Variants in ALDH1A2 observed in about 807,000 individuals in gnomAD.
ALDH1A2 encodes the protein aldehyde dehydrogenase 1 family member A2, also known as retinal dehydrogenase 2.
In ALDH1A2, 27 loss-of-function variants were observed where a neutral mutation model predicts 60.3. The observed-to-expected ratio is 0.45, with a 90% CI of 0.33 to 0.62. The LOEUF (loss-of-function observed/expected upper bound fraction) is 0.62. Among genes scored for constraint, ALDH1A2 ranks in the 20% least tolerant of loss-of-function variants. ALDH1A2 has a pLI of 0.02. For missense variants in ALDH1A2, 581 were observed against 643.8 expected, an observed-to-expected ratio of 0.90 and a Z score of 1.06; for synonymous variants, 289 against 232.4, an observed-to-expected ratio of 1.24 and a Z score of -2.21.
chr15:57,961,083 C>T (rs1457286065), intron 11 of ALDH1A2, 54 bp downstream of exon 11: 12 of 1,604,644 alleles, frequency 7.5e-6, no homozygotes, highest in Non-Finnish European at 1.0e-5. Context: ...GTTTATTTCA[C>T]CCTGGTCCCT....
chr15:57,955,073 G>A lies in ALDH1A2; in HGVS notation c.*124C>T, dbSNP rs1294774103. ...GTGCAGTGACCTGCCTGGCCTACAT[G>A]TTATCTTTTCAATCTTTAAGTAAGG... is the stretch of plus-strand genomic sequence containing the variant. On this transcript the variant is annotated 3_prime_UTR_variant, in exon 13 of 13. Coordinates refer to ENST00000249750, the MANE Select transcript of ALDH1A2 (RefSeq NM_003888.4). 4.5e-6 allele frequency: 5 copies of A among 1,107,444 alleles called. No homozygotes were observed. The highest frequency in any genetic ancestry group is 2.5e-5 in the South Asian group (2 of 80,464). 68.6% of individuals were successfully genotyped at this position (1,107,444 alleles called of 1,614,324 possible).
intron 1 of ALDH1A2, among the ~76,000 whole-genome samples, chr15:58,019,251 C>T (rs1895860231): frequency 6.6e-6 from 1 of 152,106 alleles, no homozygotes; most frequent in African/African-American, 2.4e-5. Flanking sequence ...AACGAGGATT[C>T]AACATCTTCA....
intron 3 of ALDH1A2, among the ~76,000 whole-genome samples, chr15:58,013,212 C>T (rs916629748): frequency 6.6e-6 from 1 of 152,252 alleles, no homozygotes. Flanking sequence ...TCCTTTTACT[C>T]AAGAGAGGTT....
At chr15:58,000,893 T>C (rs1442592534) in intron 4 of ALDH1A2, among the ~76,000 whole-genome samples, 1 of 151,930 alleles carries the variant, frequency 6.6e-6, no homozygotes, top group African/African-American at 2.4e-5. Flanking sequence ...CCACGTGTAT[T>C]ATGATGCCCT....
chr15:58,018,600 G>A (rs1020109133), intron 1 of ALDH1A2, among the ~76,000 whole-genome samples: 1 of 152,138 alleles, frequency 6.6e-6, no homozygotes, highest in African/African-American at 2.4e-5. Context: ...GTAACTTTAT[G>A]TTGGAGAAAC....
At chr15:58,046,897 A>C (rs780673043) in intron 1 of ALDH1A2, among the ~76,000 whole-genome samples, 14 of 152,068 alleles carry the variant, frequency 9.2e-5, no homozygotes, top group Non-Finnish European at 1.8e-4. Context: ...ACAGCATCGG[A>C]TTCTTCTAAA....
chr15:58,041,212 A>G (rs1462964708), intron 1 of ALDH1A2, among the ~76,000 whole-genome samples: 1 of 151,962 alleles, frequency 6.6e-6, no homozygotes, highest in Non-Finnish European at 1.5e-5. Context: ...CATAACATTT[A>G]TACAACACCA....
At position 57,954,131 on chromosome 15, in the gene ALDH1A2, A is replaced by C. The variant is rs1893437840; in HGVS notation, c.*1066T>G. 6.6e-6 allele frequency: 1 copy of C among 152,404 alleles called. No individual in the cohort carries two copies. The highest frequency in any genetic ancestry group is 1.5e-5 in the Non-Finnish European group (1 of 68,066). The allele number at this position is 152,404 out of a possible 1,614,324, so 9.4% of individuals were successfully genotyped here. A position where few individuals can be genotyped will look rare whatever the true frequency, so the allele number is the denominator to read the frequency against. On this transcript the variant is annotated 3_prime_UTR_variant, in exon 13 of 13. Transcript: ENST00000249750. ...ACCCCTAGGCTTGGCCAGATTTTCC[A>C]AGGTCACTGCCAATAGATACAGGGC...
At chr15:57,967,620 C>T (rs1403086851) in intron 7 of ALDH1A2, among the ~76,000 whole-genome samples, 3 of 152,126 alleles carry the variant, frequency 2.0e-5, no homozygotes, top group Non-Finnish European at 4.4e-5. Context: ...AAAATGTATC[C>T]CCATCCTGAG....
intron 7 of ALDH1A2, 44 bp from the exon 8 acceptor site, chr15:57,965,871 T>A: frequency 6.7e-7 from 1 of 1,503,362 alleles, no homozygotes; most frequent in Non-Finnish European, 9.3e-7. Flanking sequence ...ATCCTGCAGG[T>A]GAGACAGTCA....
intron 7 of ALDH1A2, chr15:57,979,903 T>A: frequency 2.8e-6 from 1 of 362,972 alleles, no homozygotes; most frequent in Admixed American, 2.9e-5. Flanking sequence ...GTAGCCCATC[T>A]GCAGGGACAT....
intron 1 of ALDH1A2, among the ~76,000 whole-genome samples, chr15:58,054,873 G>A (rs1348944086): frequency 1.3e-5 from 2 of 152,106 alleles, no homozygotes; most frequent in Non-Finnish European, 2.9e-5. Flanking sequence ...ATATTCCCAG[G>A]TGATGTATAC....
chr15:57,960,640 G>T, intron 12 of ALDH1A2, 130 bp downstream of exon 12: 1 of 770,276 alleles, frequency 1.3e-6, no homozygotes, highest in Non-Finnish European at 2.2e-6. Flanking sequence ...GCTTATAGTA[G>T]CATGTGCTCC....
chr15:57,963,565 G>A (rs1179753158), intron 9 of ALDH1A2, among the ~76,000 whole-genome samples: 1 of 151,836 alleles, frequency 6.6e-6, no homozygotes, highest in South Asian at 2.1e-4. Flanking sequence ...GGATGGTCTC[G>A]ATCTCCTGAC....
At chr15:57,992,016 C>CA (rs1361565528) in intron 7 of ALDH1A2, among the ~76,000 whole-genome samples, 1 of 152,144 alleles carries the variant, frequency 6.6e-6, no homozygotes, top group Non-Finnish European at 1.5e-5. Flanking sequence ...GTATGGCCTA[C>CA]AAGCTAAAAC....
intron 7 of ALDH1A2, among the ~76,000 whole-genome samples, chr15:57,987,071 C>G (rs1158408026): frequency 6.6e-6 from 1 of 152,048 alleles, no homozygotes; most frequent in Non-Finnish European, 1.5e-5. Context: ...TTAACAAAAT[C>G]TCTGAAGCAG....
chr15:57,972,742 G>C (rs1170413826), intron 7 of ALDH1A2, among the ~76,000 whole-genome samples: 1 of 152,114 alleles, frequency 6.6e-6, no homozygotes, highest in Non-Finnish European at 1.5e-5. Flanking sequence ...TTTTCCACAT[G>C]AAACTGGTTT....
chr15:58,007,340 C>T (rs1461856101), intron 4 of ALDH1A2, among the ~76,000 whole-genome samples: 1 of 151,904 alleles, frequency 6.6e-6, no homozygotes, highest in African/African-American at 2.4e-5. Context: ...AAAATCTGCA[C>T]TGGGGTAAAG....
chr15:57,994,562 T>C (rs769326747), intron 5 of ALDH1A2, among the ~76,000 whole-genome samples: 12 of 152,152 alleles, frequency 7.9e-5, no homozygotes, highest in East Asian at 1.9e-4. Context: ...ACTACATCTA[T>C]TTCTCTTTAC....
Sources: gnomAD v4.1 joint callset for allele counts (sites outside exome capture counted in the v4.1 genomes callset) on GRCh38, gnomAD v4.1.1 for gene constraint, MANE v1.5 for transcripts, NCBI Gene and HGNC (gene_info 2026-07-23, HGNC 2026-07-21) for gene names.